CELF2: variants seen among roughly 807,000 people sequenced by gnomAD.
CELF2 encodes CUG triplet repeat RNA-binding protein 2.
CELF2 carries 8 observed loss-of-function variants against 62.6 expected under a neutral mutation model. That is an observed-to-expected ratio of 0.13 (90% confidence interval 0.07 to 0.23). CELF2 has a LOEUF of 0.23. Ranked by LOEUF, CELF2 falls within the 10% of genes least tolerant of loss-of-function variation. CELF2 has a pLI of 1.00. For missense variants in CELF2, 333 were observed against 671.0 expected, an observed-to-expected ratio of 0.50 and a Z score of 5.56; for synonymous variants, 258 against 250.0, an observed-to-expected ratio of 1.03 and a Z score of -0.30.
At chr10:11,162,133 C>T (rs531252218) in intron 1 of CELF2, among the ~76,000 whole-genome samples, 15 of 152,040 alleles carry the variant, frequency 9.9e-5, no homozygotes, top group Non-Finnish European at 1.8e-4. Context: ...GGGACAGGAC[C>T]ACCCATACCA....
At chr10:10,910,595 G>T (rs1217290516) in intron 1 of CELF2, among the ~76,000 whole-genome samples, 1 of 150,864 alleles carries the variant, frequency 6.6e-6, no homozygotes, top group Admixed American at 6.6e-5. Flanking sequence ...AGCTACCTGG[G>T]AGGCCGAGGC....
At position 11,189,804 on chromosome 10, in the gene CELF2, C is replaced by T. The variant is rs138449213; in HGVS notation, c.271+24122C>T. On this transcript the variant is annotated intron_variant, in intron 2 of 12. Transcript: ENST00000633077. ...TATTTATCCAGAGGAATTCCAGCAC[C>T]AGCGATGGTATGCAAACCTTTAGTG... 4.1e-3 allele frequency among the ~76,000 whole-genome samples: 624 copies of T among 152,340 alleles called. 5 individuals carry two copies. Among genetic ancestry groups the T allele is most frequent in the African/African-American group, 0.014 (601 of 41,562 alleles).
rs1411163225 is a variant in CELF2 at position 11,285,094 on chromosome 10, ATGGGTGGG to A, written c.842-3316_842-3309del. Among the ~76,000 whole-genome samples, 470 of 142,902 alleles carry A rather than the reference ATGGGTGGG, an allele frequency of 3.3e-3. 1 individual carries two copies. Among genetic ancestry groups the A allele is most frequent in the African/African-American group, 0.011 (435 of 38,636 alleles). The allele number at this position is 142,902 out of a possible 152,430, so 93.7% of individuals were successfully genotyped here. The stretch of plus-strand genomic sequence containing the variant: ...GTTACGCGGAATGATGGATGGATGG[ATGGGTGGG>A]TGGGTGGATGGGCGGATGATGGATA... On this transcript the variant is annotated intron_variant, in intron 8 of 12. Coordinates refer to ENST00000633077, the MANE Select transcript of CELF2 (RefSeq NM_001326342.2). The surrounding 1 kb of genome is among the most constrained non-coding windows in gnomAD (Gnocchi z 4.3).
chr10:11,206,339 C>T (rs73577501), intron 2 of CELF2, among the ~76,000 whole-genome samples: 2,721 of 152,308 alleles, frequency 0.018, 83 homozygotes, highest in African/African-American at 0.063. Flanking sequence ...CTCTCATTGC[C>T]ACTAGCCTCC....
At chr10:10,605,226 A>G in the CELF2 span, among the ~76,000 whole-genome samples, 1 of 151,528 alleles carries the variant, frequency 6.6e-6, no homozygotes, top group South Asian at 2.1e-4. Context: ...AACAATGAGA[A>G]CACATGGACA....
chr10:10,870,718 C>T (rs1264330671), intron 1 of CELF2, among the ~76,000 whole-genome samples: 1 of 152,186 alleles, frequency 6.6e-6, no homozygotes, highest in South Asian at 2.1e-4. Context: ...AACCTTAAAT[C>T]CGTGTGGTCT....
At chr10:10,921,371 C>T (rs921891871) in intron 2 of CELF2, among the ~76,000 whole-genome samples, 2 of 152,080 alleles carry the variant, frequency 1.3e-5, no homozygotes, top group Non-Finnish European at 2.9e-5. Context: ...TGGGTTCAAG[C>T]GATTCTCCTG....
the CELF2 span, among the ~76,000 whole-genome samples, chr10:10,497,919 A>C: frequency 2.6e-5 from 4 of 152,210 alleles, no homozygotes; most frequent in Non-Finnish European, 5.9e-5. Flanking sequence ...TAAATAGACG[A>C]GGTGCAAAAG....
chr10:10,669,511 C>T, the CELF2 span, among the ~76,000 whole-genome samples: 1 of 152,126 alleles, frequency 6.6e-6, no homozygotes, highest in Non-Finnish European at 1.5e-5. Context: ...ATTTTATTCC[C>T]AAACTATTCA....
chr10:11,121,522 G>A (rs1429169958), intron 1 of CELF2, among the ~76,000 whole-genome samples: 1 of 152,002 alleles, frequency 6.6e-6, no homozygotes, highest in Non-Finnish European at 1.5e-5. Context: ...CTACTATGTG[G>A]TTGGTACCAT....
intron 1 of CELF2, among the ~76,000 whole-genome samples, chr10:10,854,621 C>G (rs1220889835): frequency 6.6e-6 from 1 of 151,980 alleles, no homozygotes; most frequent in Non-Finnish European, 1.5e-5. Flanking sequence ...CAGCATTCCC[C>G]CAAATCCCTC....
At chr10:11,164,985 G>C in intron 1 of CELF2, 1 of 814,622 alleles carries the variant, frequency 1.2e-6, no homozygotes, top group Non-Finnish European at 1.5e-6. Flanking sequence ...CTTTCCATGT[G>C]ACTTTATTAT....
the CELF2 span, among the ~76,000 whole-genome samples, chr10:10,791,942 G>T: frequency 6.6e-6 from 1 of 151,326 alleles, no homozygotes; most frequent in East Asian, 1.9e-4. Context: ...AACTTTGAAG[G>T]AAAGAAGGAA....
At chr10:10,625,205 A>T in the CELF2 span, among the ~76,000 whole-genome samples, 1 of 150,594 alleles carries the variant, frequency 6.6e-6, no homozygotes, top group South Asian at 2.1e-4. Flanking sequence ...ATTGATAGAA[A>T]AGACAAATTA....
chr10:10,695,851 G>A, the CELF2 span, among the ~76,000 whole-genome samples: 2 of 151,766 alleles, frequency 1.3e-5, no homozygotes, highest in Non-Finnish European at 2.9e-5. Flanking sequence ...TTGGTTTTCA[G>A]CTCCATCAGC....
chr10:10,816,054 T>C (rs566845052), intron 1 of CELF2, among the ~76,000 whole-genome samples: 1 of 152,316 alleles, frequency 6.6e-6, no homozygotes, highest in African/African-American at 2.4e-5. Flanking sequence ...CTTTTACTTT[T>C]ATTGACCCCT....
intron 2 of CELF2, chr10:10,922,784 C>G (rs965547772): frequency 6.6e-6 from 1 of 152,212 alleles, no homozygotes; most frequent in Non-Finnish European, 1.5e-5. Context: ...AATCACTGTA[C>G]TGCCTGGCGA....
In CELF2 at chr10:10,983,856, C is replaced by T. The variant is rs536786985; in HGVS notation, c.89+63857C>T. 1.1e-4 allele frequency among the ~76,000 whole-genome samples: 16 copies of T among 152,342 alleles called. No homozygotes were observed. Among genetic ancestry groups the T allele is most frequent in the African/African-American group, 2.6e-4 (11 of 41,574 alleles). On this transcript the variant is annotated intron_variant, in intron 2 of 13. Transcript: ENST00000636488. The surrounding 1 kb of genome is among the most constrained non-coding windows in gnomAD (Gnocchi z 5.2). ...CTGGGATTACAGGCATGAGCTACCA[C>T]GCCTGGCCGATATATCTGTTATTAA...
intron 2 of CELF2, among the ~76,000 whole-genome samples, chr10:11,184,894 G>C (rs144118621): frequency 6.6e-6 from 1 of 152,016 alleles, no homozygotes; most frequent in Non-Finnish European, 1.5e-5. Context: ...GCTTGCACTG[G>C]CCAAAACGTC....
Sources: gnomAD v4.1 joint callset for allele counts (sites outside exome capture counted in the v4.1 genomes callset) on GRCh38, gnomAD v4.1.1 for gene constraint, Gnocchi (gnomAD v3.1) non-coding constraint, MANE v1.5 for transcripts, NCBI Gene and HGNC (gene_info 2026-07-23, HGNC 2026-07-21) for gene names.